DOT1L: variants seen among roughly 807,000 people sequenced by gnomAD.
The protein encoded by DOT1L is DOT1 like histone lysine methyltransferase, also known as histone-lysine N-methyltransferase, H3 lysine-79 specific.
A neutral mutation model predicts 153.3 loss-of-function variants in DOT1L; 33 were observed. That is an observed-to-expected ratio of 0.22 (90% CI 0.16 to 0.29). DOT1L has a LOEUF of 0.29. Among genes scored for constraint, DOT1L ranks in the 10% least tolerant of loss-of-function variants. The pLI, the probability that DOT1L is intolerant of heterozygous loss-of-function variation, is 1.00. For synonymous variants in DOT1L, 1,135 were observed against 965.1 expected (o/e 1.18, Z -3.26); for missense variants, 1,847 against 2,119.9 (o/e 0.87, Z 2.53).
chr19:2,222,895 A>AC lies in DOT1L; in HGVS notation c.3390+336_3390+337insC. 2.7e-6 allele frequency: 1 copy of AC among 371,366 alleles called. No individual in the cohort carries two copies. The highest frequency in any genetic ancestry group is 4.8e-6 in the Non-Finnish European group (1 of 206,962). The allele number at this position is 371,366 out of a possible 1,614,324, so 23.0% of individuals were successfully genotyped here. On this transcript the variant is annotated intron_variant, in intron 24 of 27. Transcript: ENST00000398665. The surrounding 1 kb of genome is among the most constrained non-coding windows in gnomAD (Gnocchi z 6.5). Reference sequence around the variant, plus strand: ...CTCTCGGGGGGACAAAAAAAAACACAAAAAAAAACAGGTGGAGGCAGGGGG... The same window carrying AC: ...CTCTCGGGGGGACAAAAAAAAACACACAAAAAAAACAGGTGGAGGCAGGGGG...
In DOT1L at chr19:2,226,892, C is replaced by T. The variant is rs763901547; in HGVS notation, c.4371C>T (p.Ser1457=). Residue 1457 remains serine (S), a synonymous_variant, in exon 27 of 28, where the codon TCC becomes TCT. Transcript: ENST00000398665. Reference sequence around the variant, plus strand: ...CCTCCGCAGGCGGCGCGGCGTCCTCCGCCCAGACGCACCGGTCCTTCCTGG... The same window carrying T: ...CCTCCGCAGGCGGCGCGGCGTCCTCTGCCCAGACGCACCGGTCCTTCCTGG... ...AASSAGGAAS[S]AQTHRSFLGP... 1.6e-5 allele frequency: 25 copies of T among 1,576,962 alleles called. No individual in the cohort carries two copies. Among genetic ancestry groups the T allele is most frequent in the South Asian group, 2.3e-5 (2 of 88,438 alleles).
intron 2 of DOT1L, among the ~76,000 whole-genome samples, chr19:2,183,296 G>C (rs1006490776): frequency 2.6e-5 from 4 of 152,074 alleles, no homozygotes; most frequent in Non-Finnish European, 4.4e-5. Flanking sequence ...TCAGCCTCCC[G>C]AGTAGCAGGG....
At chr19:2,205,704 T>G (rs1222229121) in intron 9 of DOT1L, among the ~76,000 whole-genome samples, 2 of 152,098 alleles carry the variant, frequency 1.3e-5, no homozygotes, top group Non-Finnish European at 2.9e-5. Flanking sequence ...TTTGTTTTGT[T>G]TTTTTTTGAG....
intron 1 of DOT1L, among the ~76,000 whole-genome samples, chr19:2,176,286 G>A (rs1405401140): frequency 6.6e-6 from 1 of 152,170 alleles, no homozygotes; most frequent in East Asian, 1.9e-4. Flanking sequence ...CGAGCAAGAG[G>A]GGACAGGGGC....
intron 26 of DOT1L, 40 bp downstream of exon 26, chr19:2,225,492 G>A (rs373224125): frequency 5.9e-5 from 95 of 1,603,858 alleles, no homozygotes; most frequent in African/African-American, 5.2e-4. Flanking sequence ...AGGCCTGTCC[G>A]TGTGGCCGTG....
Position 2,208,836 on chromosome 19 carries a change from C to A in DOT1L, c.964-99C>A. 7.9e-7 allele frequency: 1 copy of A among 1,267,784 alleles called. No individual in the cohort carries two copies. Among genetic ancestry groups the A allele is most frequent in the Non-Finnish European group, 1.1e-6 (1 of 897,616 alleles). 78.5% of individuals were successfully genotyped at this position (1,267,784 alleles called of 1,614,324 possible). ...TCCCCAGATACCAGAACAGCCTCCC[C>A]AGCCACTGTCCAGGTTGCTGTTGTT... On this transcript the variant is annotated intron_variant, in intron 11 of 27. Coordinates refer to ENST00000398665, the MANE Select transcript of DOT1L (RefSeq NM_032482.3). This position sits in a 1 kb window ranked among gnomAD's most constrained non-coding sequence, Gnocchi z 4.4.
chr19:2,190,920 C>T lies in DOT1L; in HGVS notation c.265-92C>T, dbSNP rs114452263. ...GACGAGAGGCCATGCAGCCGACTCCCTGCTTCCGCTGGGAAAGGTCCCGGG... is the reference window on the plus strand; with the variant it reads ...GACGAGAGGCCATGCAGCCGACTCCTTGCTTCCGCTGGGAAAGGTCCCGGG... On this transcript the variant is annotated intron_variant, in intron 4 of 27. Coordinates refer to ENST00000398665, the MANE Select transcript of DOT1L (RefSeq NM_032482.3). This position sits in a 1 kb window ranked among gnomAD's most constrained non-coding sequence, Gnocchi z 4.8. 2 of 1,285,058 alleles carry T rather than the reference C, an allele frequency of 1.6e-6. No individual in the cohort carries two copies. The highest frequency in any genetic ancestry group is 2.2e-5 in the Admixed American group (1 of 45,516). 79.6% of individuals were successfully genotyped at this position (1,285,058 alleles called of 1,614,324 possible).
chr19:2,199,405 T>C (rs112735391), intron 7 of DOT1L, among the ~76,000 whole-genome samples: 47 of 152,366 alleles, frequency 3.1e-4, no homozygotes, highest in African/African-American at 9.9e-4. Context: ...CGAGTGTCGC[T>C]GCCTGCCGCA....
At chr19:2,225,902 C>T (rs758033989) in intron 26 of DOT1L, among the ~76,000 whole-genome samples, 1 of 152,206 alleles carries the variant, frequency 6.6e-6, no homozygotes, top group African/African-American at 2.4e-5. Context: ...CTCTGAGACC[C>T]GCTTCAGCTG....
Position 2,229,977 on chromosome 19 carries a change from G to T in DOT1L, c.*185G>T. The T allele has an allele frequency of 1.2e-6, 1 of 806,168 alleles. No individual in the cohort carries two copies. The highest frequency in any genetic ancestry group is 1.9e-6 in the Non-Finnish European group (1 of 516,156). 49.9% of individuals were successfully genotyped at this position (806,168 alleles called of 1,614,324 possible). On this transcript the variant is annotated 3_prime_UTR_variant, in exon 28 of 28. Transcript: ENST00000398665. ...TGGGACTGGTCCAGTTTGTACTGTC[G>T]ATAGTTTTAGATAAAGTATTTATCA...
Position 2,217,971 on chromosome 19 carries a change from C to T in DOT1L, c.2691+53C>T, listed in dbSNP as rs78213793. The T allele has an allele frequency of 2.0e-3, 3,229 of 1,583,928 alleles. 41 individuals are homozygous for T. In the African/African-American group the frequency reaches 0.028, roughly 14 times the overall value. On this transcript the variant is annotated intron_variant, in intron 22 of 27. Coordinates refer to ENST00000398665, the MANE Select transcript of DOT1L (RefSeq NM_032482.3). The surrounding 1 kb of genome is among the most constrained non-coding windows in gnomAD (Gnocchi z 7.3). The stretch of plus-strand genomic sequence containing the variant: ...AAGGGCCACGTTGAGGCAAAACAGT[C>T]TGGGGTGCTCGAGACCTGGCTCACT...
At position 2,209,642 on chromosome 19, in the gene DOT1L, C is replaced by T. The variant is rs1342646993; in HGVS notation, c.1005+666C>T. 3.3e-5 allele frequency among the ~76,000 whole-genome samples: 5 copies of T among 152,390 alleles called. No homozygotes were observed. In the South Asian group the frequency reaches 8.3e-4, roughly 25 times the overall value. On this transcript the variant is annotated intron_variant, in intron 12 of 27. Coordinates refer to ENST00000398665, the MANE Select transcript of DOT1L (RefSeq NM_032482.3). ...GGGGAGCCACAGTGGCCGCCCTGCC[C>T]GCTGGCGCTTCTGCAGCCTCAGACC...
At chr19:2,169,976 A>G (rs1363700471) in intron 1 of DOT1L, among the ~76,000 whole-genome samples, 3 of 152,142 alleles carry the variant, frequency 2.0e-5, no homozygotes, top group Admixed American at 6.5e-5. Flanking sequence ...GGCCAACATG[A>G]CGAAACCCCG....
At chr19:2,198,505 T>A (rs1265802544) in intron 7 of DOT1L, among the ~76,000 whole-genome samples, 3 of 152,196 alleles carry the variant, frequency 2.0e-5, no homozygotes, top group African/African-American at 4.8e-5. Context: ...GGGGTGTCCC[T>A]GTCTCTCTGG....
rs368024788 is a variant in DOT1L, at chr19:2,179,244, C to CG, written c.82-1467dup. Among the ~76,000 whole-genome samples, 6 of 152,298 alleles carry CG rather than the reference C, an allele frequency of 3.9e-5. No homozygotes were observed. In the East Asian group the frequency reaches 9.7e-4, roughly 25 times the overall value. On this transcript the variant is annotated intron_variant, in intron 1 of 27. Coordinates refer to ENST00000398665, the MANE Select transcript of DOT1L (RefSeq NM_032482.3). ...CCGCTGGGCCTTGGGAGGCTCGTGGCGGCTGCGTGTCTCACTGTGATGACG... is the reference window on the plus strand; with the variant it reads ...CCGCTGGGCCTTGGGAGGCTCGTGGCGGGCTGCGTGTCTCACTGTGATGACG...
chr19:2,210,190 C>T (rs892526195), intron 12 of DOT1L, among the ~76,000 whole-genome samples: 3 of 152,384 alleles, frequency 2.0e-5, no homozygotes, highest in East Asian at 1.9e-4. Flanking sequence ...TGCCGTTATC[C>T]GTGCCCACGG....
At chr19:2,185,171 T>A (rs1172040114) in intron 2 of DOT1L, among the ~76,000 whole-genome samples, 2 of 152,148 alleles carry the variant, frequency 1.3e-5, no homozygotes, top group African/African-American at 4.8e-5. Flanking sequence ...CCCAGAGTGC[T>A]GGGATTACAG....
intron 17 of DOT1L, 32 bp from the exon 18 acceptor site, chr19:2,213,817 A>G: frequency 6.2e-7 from 1 of 1,612,304 alleles, no homozygotes; most frequent in Non-Finnish European, 8.5e-7. Flanking sequence ...GGAGGCCACC[A>G]GCATGACCTC....
chr19:2,188,474 GCCGCCGCC>G (rs1029516950), intron 3 of DOT1L, among the ~76,000 whole-genome samples: 1 of 116,524 alleles, frequency 8.6e-6, no homozygotes, highest in African/African-American at 3.6e-5. Flanking sequence ...AGAGTCCCCA[GCCGCCGCC>G]CCCCCCCCCC....
Sources: gnomAD v4.1 joint callset for allele counts (sites outside exome capture counted in the v4.1 genomes callset) on GRCh38, gnomAD v4.1.1 for gene constraint, Gnocchi (gnomAD v3.1) non-coding constraint, MANE v1.5 for transcripts, NCBI Gene and HGNC (gene_info 2026-07-23, HGNC 2026-07-21) for gene names.